The following PLOD1 variants were observed in gnomAD, a reference collection of about 807,000 sequenced individuals.
PLOD1 encodes the protein lysine hydroxylase.
A neutral mutation model predicts 94.7 loss-of-function variants in PLOD1; 70 were observed. That is an observed-to-expected ratio of 0.74 (90% CI 0.61 to 0.90). The LOEUF is 0.90. PLOD1 is among the 40% of genes least tolerant of loss of function. PLOD1 has a pLI of 0.00. For missense variants in PLOD1, 905 were observed against 972.7 expected, an observed-to-expected ratio of 0.93 and a Z score of 0.93; for synonymous variants, 417 against 400.2, an observed-to-expected ratio of 1.04 and a Z score of -0.50.
chr1:11,938,733 A>T (rs373834340), intron 1 of PLOD1, among the ~76,000 whole-genome samples: 2 of 152,122 alleles, frequency 1.3e-5, no homozygotes, highest in African/African-American at 4.8e-5. Flanking sequence ...TGCTGTCAGC[A>T]GCTTGTCTGT....
At position 11,944,606 on chromosome 1, in the gene PLOD1, G is replaced by A. The variant is rs112799470; in HGVS notation, c.77-3370G>A. The A allele has an allele frequency of 2.6e-3, 3,591 of 1,363,952 alleles. 73 individuals are homozygous for A. In the East Asian group the frequency reaches 0.066, roughly 25 times the overall value. 84.5% of individuals were successfully genotyped at this position (1,363,952 alleles called of 1,614,324 possible). A position where few individuals can be genotyped will look rare whatever the true frequency, so the allele number is the denominator to read the frequency against. ...GACTTCACCGTCCTGGCAGGAGCTC[G>A]GGGGAGCCCTTCCCCAAGTGTGAGC... On this transcript the variant is annotated intron_variant, in intron 1 of 18. Transcript: ENST00000196061.
chr1:11,964,865 G>A, intron 13 of PLOD1, 80 bp downstream of exon 13: 2 of 1,478,542 alleles, frequency 1.4e-6, no homozygotes, highest in East Asian at 2.3e-5. Context: ...GACCCTCATG[G>A]TGGGCCGCCT....
At chr1:11,939,353 GA>G (rs1179291123) in intron 1 of PLOD1, among the ~76,000 whole-genome samples, 1 of 152,098 alleles carries the variant, frequency 6.6e-6, no homozygotes, top group African/African-American at 2.4e-5. Flanking sequence ...GGGTGGGGAT[GA>G]AGGATGGGGG....
At chr1:11,943,010 G>A (rs575973767) in intron 1 of PLOD1, among the ~76,000 whole-genome samples, 1 of 151,992 alleles carries the variant, frequency 6.6e-6, no homozygotes, top group African/African-American at 2.4e-5. Context: ...TTTTTGAGAT[G>A]GAGACTTGCT....
At chr1:11,952,020 G>A (rs775677589) in intron 4 of PLOD1, among the ~76,000 whole-genome samples, 1 of 152,238 alleles carries the variant, frequency 6.6e-6, no homozygotes, top group South Asian at 2.1e-4. Context: ...AACCTTAGAT[G>A]GGGATCTGCC....
chr1:11,968,273 A>T (rs771468055), intron 16 of PLOD1, among the ~76,000 whole-genome samples: 31 of 151,132 alleles, frequency 2.1e-4, no homozygotes, highest in Non-Finnish European at 4.0e-4. Flanking sequence ...TTTTTATTTT[A>T]TTTATTTTTT....
intron 1 of PLOD1, among the ~76,000 whole-genome samples, chr1:11,944,155 C>A (rs760374096): frequency 1.3e-5 from 2 of 151,978 alleles, no homozygotes; most frequent in African/African-American, 2.4e-5. Context: ...ATCGCTTGAA[C>A]CCAGGAGATA....
intron 15 of PLOD1, 70 bp from the exon 16 acceptor site, chr1:11,966,917 G>A: frequency 1.0e-6 from 1 of 966,794 alleles, no homozygotes; most frequent in Non-Finnish European, 1.7e-6. Context: ...TGGGTGTGTG[G>A]CCCTGAAGAG....
chr1:11,966,030 CAT>C (rs1031041890), intron 14 of PLOD1, among the ~76,000 whole-genome samples: 10 of 152,156 alleles, frequency 6.6e-5, no homozygotes, highest in African/African-American at 2.4e-4. Context: ...TGCACACAGA[CAT>C]ATACACACAA....
chr1:11,968,188 A>AT (rs1228936878), intron 16 of PLOD1, among the ~76,000 whole-genome samples: 1 of 152,112 alleles, frequency 6.6e-6, no homozygotes, highest in Admixed American at 6.6e-5. Context: ...TCCTGGCCTC[A>AT]GGTAAGCTAC....
chr1:11,958,368 C>G lies in PLOD1; in HGVS notation c.844-148C>G, dbSNP rs1645754179. The G allele has an allele frequency of 6.8e-6, 6 of 879,058 alleles. No homozygotes were observed. The highest frequency in any genetic ancestry group is 1.1e-5 in the Non-Finnish European group (6 of 549,380). 54.5% of individuals were successfully genotyped at this position (879,058 alleles called of 1,614,324 possible). A position where few individuals can be genotyped will look rare whatever the true frequency, so the allele number is the denominator to read the frequency against. On this transcript the variant is annotated intron_variant, in intron 8 of 18. Coordinates refer to ENST00000196061, the MANE Select transcript of PLOD1 (RefSeq NM_000302.4). This position sits in a 1 kb window ranked among gnomAD's most constrained non-coding sequence, Gnocchi z 4.3. ...CTGCTTCCCTGCCCCCCCGTACCCC[C>G]TGACTGGAGTTCCCCGGCCCGGGCA... is the stretch of plus-strand genomic sequence containing the variant.
At chr1:11,956,814 A>G (rs1225297316) in intron 6 of PLOD1, 103 bp from the exon 7 acceptor site, 2 of 787,464 alleles carry the variant, frequency 2.5e-6, no homozygotes, top group South Asian at 1.3e-5. Flanking sequence ...GCCCGAGGAC[A>G]TAATCTACTC....
In PLOD1 at chr1:11,960,228, C is replaced by T. The variant is rs144975748; in HGVS notation, c.976-418C>T. Among the ~76,000 whole-genome samples the T allele has an allele frequency of 3.6e-3, 543 of 152,354 alleles. 3 individuals are homozygous for T. Among genetic ancestry groups the T allele is most frequent in the African/African-American group, 0.012 (517 of 41,588 alleles). ...CTGGTGATCTACCCGCCTCGGCCTCCCAAAGTGCTGCGAATACAGGCGTGA... is the reference window on the plus strand; with the variant it reads ...CTGGTGATCTACCCGCCTCGGCCTCTCAAAGTGCTGCGAATACAGGCGTGA... On this transcript the variant is annotated intron_variant, in intron 9 of 18. Coordinates refer to ENST00000196061, the MANE Select transcript of PLOD1 (RefSeq NM_000302.4).
At chr1:11,966,162 C>T in intron 14 of PLOD1, 89 bp from the exon 15 acceptor site, 3 of 951,574 alleles carry the variant, frequency 3.2e-6, no homozygotes, top group Non-Finnish European at 5.0e-6. Flanking sequence ...GCACGTACAC[C>T]TTCACTCCCA....
intron 1 of PLOD1, among the ~76,000 whole-genome samples, chr1:11,935,826 T>C (rs889241365): frequency 2.6e-5 from 4 of 152,176 alleles, no homozygotes; most frequent in Non-Finnish European, 4.4e-5. Context: ...GGTTTCACCA[T>C]GCTGGCCAGG....
At chr1:11,967,146 C>A in intron 16 of PLOD1, 55 bp downstream of exon 16, 1 of 1,194,898 alleles carries the variant, frequency 8.4e-7, no homozygotes, top group Non-Finnish European at 1.3e-6. Context: ...TCCATCAGTG[C>A]CGCTCACTGT....
Position 11,954,503 on chromosome 1 carries a change from G to C in PLOD1, c.580-327G>C, listed in dbSNP as rs377692837. The C allele has an allele frequency of 1.7e-4, 99 of 597,856 alleles. 1 individual carries two copies. The highest frequency in any genetic ancestry group is 1.4e-3 in the African/African-American group (78 of 54,522). 37.0% of individuals were successfully genotyped at this position (597,856 alleles called of 1,614,324 possible). ...CTCTTTCTCAAAAAAAAGAATATTT[G>C]GAGTAGCTATGTGCGTGTAGTGGAG... On this transcript the variant is annotated intron_variant, in intron 5 of 18. Transcript: ENST00000196061.
rs184584340 is a variant in PLOD1, at chr1:11,957,635, A to G, written c.742-207A>G. On this transcript the variant is annotated intron_variant, in intron 7 of 18. Transcript: ENST00000196061. The surrounding 1 kb of genome is among the most constrained non-coding windows in gnomAD (Gnocchi z 4.1). The stretch of plus-strand genomic sequence containing the variant: ...AATCTGCATTTTACAAGCTCTCGGG[A>G]GAAGCACTAGAGTGCCAAGCCCTCC... Among the ~76,000 whole-genome samples, 6 of 152,308 alleles carry G rather than the reference A, an allele frequency of 3.9e-5. No homozygotes were observed. The highest frequency in any genetic ancestry group is 1.4e-4 in the African/African-American group (6 of 41,568).
chr1:11,973,018 G>C, intron 18 of PLOD1, 21 bp downstream of exon 18: 1 of 1,613,588 alleles, frequency 6.2e-7, no homozygotes, highest in Non-Finnish European at 8.5e-7. Context: ...GCCAGCCGGG[G>C]TCAAGGGGCC....
Sources: gnomAD v4.1 joint callset for allele counts (sites outside exome capture counted in the v4.1 genomes callset) on GRCh38, gnomAD v4.1.1 for gene constraint, Gnocchi (gnomAD v3.1) non-coding constraint, MANE v1.5 for transcripts, NCBI Gene and HGNC (gene_info 2026-07-23, HGNC 2026-07-21) for gene names.